TXLNB: variants seen among roughly 807,000 people sequenced by gnomAD.
TXLNB encodes taxilin beta.
A neutral mutation model predicts 57.4 loss-of-function variants in TXLNB; 37 were observed. The ratio of observed to expected loss-of-function variants is 0.64; its 90% confidence interval spans 0.50 to 0.85. The LOEUF is 0.85. Among genes scored for constraint, TXLNB ranks in the 40% least tolerant of loss-of-function variants. The pLI, the probability that TXLNB is intolerant of heterozygous loss-of-function variation, is 0.00. For synonymous variants in TXLNB, 302 were observed against 309.6 expected (o/e 0.98, Z 0.26); for missense variants, 848 against 825.6 (o/e 1.03, Z -0.33).
At chr6:139,319,910 A>C in the TXLNB span, among the ~76,000 whole-genome samples, 1 of 152,206 alleles carries the variant, frequency 6.6e-6, no homozygotes, top group South Asian at 2.1e-4. Flanking sequence ...AGCAATACAC[A>C]GCATAGTGAA....
At chr6:139,276,774 T>C in intron 3 of TXLNB, 56 bp downstream of exon 3, 1 of 1,347,048 alleles carries the variant, frequency 7.4e-7, no homozygotes, top group African/African-American at 1.5e-5. Flanking sequence ...TCCTTGAAGC[T>C]AGAGGCACTG....
chr6:139,179,447 C>T, the TXLNB span: 1 of 152,226 alleles, frequency 6.6e-6, no homozygotes, highest in Non-Finnish European at 1.5e-5. Context: ...TGGCTTTCTA[C>T]CCCCTGAACA....
chr6:139,214,342 G>A, the TXLNB span, among the ~76,000 whole-genome samples: 5 of 152,040 alleles, frequency 3.3e-5, no homozygotes, highest in South Asian at 4.2e-4. Flanking sequence ...ATCAATAAAC[G>A]TAATCCAGCA....
chr6:139,185,588 C>A, the TXLNB span, among the ~76,000 whole-genome samples: 2 of 152,058 alleles, frequency 1.3e-5, no homozygotes, highest in African/African-American at 4.8e-5. Context: ...GTAGTCCCAG[C>A]TGCTCGGGAG....
chr6:139,299,489 G>A, the TXLNB span, among the ~76,000 whole-genome samples: 1 of 152,202 alleles, frequency 6.6e-6, no homozygotes, highest in African/African-American at 2.4e-5. Context: ...GCCACCCATG[G>A]TTTTGGACTG....
the TXLNB span, among the ~76,000 whole-genome samples, chr6:139,190,309 CT>C: frequency 0.011 from 1,223 of 115,248 alleles, 27 homozygotes; most frequent in Admixed American, 0.057. Flanking sequence ...TTCTTTCTTT[CT>C]TTTTTTTTTT....
intron 4 of TXLNB, chr6:139,269,247 A>G (rs1175584313): frequency 6.6e-6 from 1 of 152,220 alleles, no homozygotes; most frequent in African/African-American, 2.4e-5. Context: ...ACCACGCTGT[A>G]TCATTCTACT....
At chr6:139,186,793 G>A in the TXLNB span, among the ~76,000 whole-genome samples, 1 of 152,188 alleles carries the variant, frequency 6.6e-6, no homozygotes, top group Non-Finnish European at 1.5e-5. Flanking sequence ...AAAAGGAACA[G>A]ATTCTTCATA....
the TXLNB span, among the ~76,000 whole-genome samples, chr6:139,167,511 T>TACCAAGTACAGTTGTCCTAGC: frequency 1.3e-5 from 2 of 152,214 alleles, no homozygotes; most frequent in African/African-American, 4.8e-5. Flanking sequence ...GATGTCACAG[T>TACCAAGTACAGTTGTCCTAGC]ACCAAGTACA....
chr6:139,230,053 TATTA>T, the TXLNB span, among the ~76,000 whole-genome samples: 1 of 152,242 alleles, frequency 6.6e-6, no homozygotes, highest in Non-Finnish European at 1.5e-5. Flanking sequence ...TTTTGAAGAT[TATTA>T]ATTAACACGT....
the TXLNB span, among the ~76,000 whole-genome samples, chr6:139,171,412 T>G: frequency 6.6e-6 from 1 of 152,158 alleles, no homozygotes; most frequent in Non-Finnish European, 1.5e-5. Flanking sequence ...ACAAAGATAC[T>G]GAGAAGTTGA....
At chr6:139,181,248 C>T in the TXLNB span, among the ~76,000 whole-genome samples, 1 of 152,242 alleles carries the variant, frequency 6.6e-6, no homozygotes, top group African/African-American at 2.4e-5. Flanking sequence ...TGAAATCAAA[C>T]TTACTAGCCA....
the TXLNB span, among the ~76,000 whole-genome samples, chr6:139,209,048 C>T: frequency 1.3e-5 from 2 of 152,132 alleles, no homozygotes; most frequent in South Asian, 4.1e-4. Context: ...ACCCTAAAGA[C>T]TCATTCAAAA....
the TXLNB span, among the ~76,000 whole-genome samples, chr6:139,221,090 G>T: frequency 1.3e-5 from 2 of 152,150 alleles, no homozygotes; most frequent in Non-Finnish European, 2.9e-5. Flanking sequence ...AAATGGTCAA[G>T]AAAAGCAAAA....
intron 7 of TXLNB, among the ~76,000 whole-genome samples, chr6:139,249,836 C>T (rs1368247899): frequency 6.6e-6 from 1 of 152,096 alleles, no homozygotes; most frequent in African/African-American, 2.4e-5. Flanking sequence ...CTGTATGTGA[C>T]AGAACCGAAA....
At position 139,242,598 on chromosome 6, in the gene TXLNB, C is replaced by A; in HGVS notation, c.1983G>T (p.Glu661Asp). Residue 661 changes from glutamate to aspartate, a missense_variant, in exon 10 of 10, where the codon GAG (glutamate) becomes GAT (aspartate). By Grantham distance (45) the Glu-to-Asp change is conservative. Coordinates refer to ENST00000358430, the MANE Select transcript of TXLNB (RefSeq NM_153235.4). ...GCCCAGCTGAGGCCCCTACTGGCAG[C>A]TCCTCTGCTGCTGCTCGTGGGGGCT... ...SRQPPRAAAE[E>D]LPVGASAGPQ... is the part of the protein sequence containing the mutation. 1 of 1,560,510 alleles carries A rather than the reference C, an allele frequency of 6.4e-7. No homozygotes were observed. The highest frequency in any genetic ancestry group is 1.2e-5 in the South Asian group (1 of 83,206).
chr6:139,311,778 C>T, the TXLNB span, among the ~76,000 whole-genome samples: 4 of 152,066 alleles, frequency 2.6e-5, no homozygotes, highest in East Asian at 1.9e-4. Context: ...TAGTCAGTTC[C>T]GGCACAACAG....
intron 6 of TXLNB, among the ~76,000 whole-genome samples, chr6:139,259,282 C>T (rs1776421774): frequency 6.6e-6 from 1 of 152,110 alleles, no homozygotes. Flanking sequence ...GCAGAAGCAC[C>T]CAGTACTTTC....
chr6:139,316,909 G>T, the TXLNB span, among the ~76,000 whole-genome samples: 194 of 152,298 alleles, frequency 1.3e-3, no homozygotes, highest in Middle Eastern at 6.8e-3. Flanking sequence ...GGGAGGCAAA[G>T]GTTGGAGTTC....
Sources: gnomAD v4.1 joint callset for allele counts (sites outside exome capture counted in the v4.1 genomes callset) on GRCh38, gnomAD v4.1.1 for gene constraint, MANE v1.5 for transcripts, NCBI Gene and HGNC (gene_info 2026-07-23, HGNC 2026-07-21) for gene names.